The following CHRM2 variants were observed in gnomAD, a reference collection of about 807,000 sequenced individuals.
CHRM2 encodes muscarinic acetylcholine receptor M2.
CHRM2 carries 8 observed loss-of-function variants against 25.0 expected under a neutral mutation model. The ratio of observed to expected loss-of-function variants is 0.32; its 90% CI spans 0.19 to 0.58. CHRM2 has a LOEUF of 0.58. Among genes scored for constraint, CHRM2 ranks in the 20% least tolerant of loss-of-function variants. CHRM2 has a pLI of 0.88. For missense variants in CHRM2, 440 were observed against 567.1 expected (o/e 0.78, Z 2.28); for synonymous variants, 202 against 205.7 (o/e 0.98, Z 0.15).
chr7:136,993,788 A>G (rs1803389236), intron 3 of CHRM2, among the ~76,000 whole-genome samples: 1 of 152,184 alleles, frequency 6.6e-6, no homozygotes, highest in Non-Finnish European at 1.5e-5. Context: ...AAAAAGTAAA[A>G]TGAGGAAAAA....
intron 2 of CHRM2, among the ~76,000 whole-genome samples, chr7:136,921,203 C>T (rs891355440): frequency 1.3e-5 from 2 of 152,062 alleles, no homozygotes; most frequent in African/African-American, 4.8e-5. Context: ...TTACTAACCT[C>T]CAGGTCGTTC....
chr7:137,007,900 C>T (rs1198435590), intron 3 of CHRM2, among the ~76,000 whole-genome samples: 2 of 152,028 alleles, frequency 1.3e-5, no homozygotes, highest in Non-Finnish European at 2.9e-5. Context: ...TTTTCTTTTT[C>T]ATGTCTTTCT....
At chr7:136,940,389 G>T (rs1372935426) in intron 2 of CHRM2, among the ~76,000 whole-genome samples, 2 of 152,222 alleles carry the variant, frequency 1.3e-5, no homozygotes, top group African/African-American at 4.8e-5. Context: ...TTGCTTGCCT[G>T]TTAAATACTG....
Position 136,921,163 on chromosome 7 carries a change from G to A in CHRM2, c.-125+51745G>A, listed in dbSNP as rs551036106. ...CCTGTCATTTACTAACCTCCAGGTC[G>A]TTCTGTCTCCTTCTTCTCACCCCTG... On this transcript the variant is annotated intron_variant, in intron 2 of 3. Coordinates refer to ENST00000680005, the MANE Select transcript of CHRM2 (RefSeq NM_001006630.2). Among the ~76,000 whole-genome samples the A allele has an allele frequency of 2.1e-4, 32 of 152,044 alleles. 1 individual carries two copies. Among genetic ancestry groups the A allele is most frequent in the Non-Finnish European group, 2.6e-4 (18 of 67,982 alleles).
rs567306885 is a variant in CHRM2, at chr7:136,886,486, C to A, written c.-125+17068C>A. 4.3e-4 allele frequency among the ~76,000 whole-genome samples: 66 copies of A among 152,264 alleles called. No homozygotes were observed. The South Asian group carries it at 7.3e-3, about 17-fold the overall frequency. On this transcript the variant is annotated intron_variant, in intron 2 of 3. Coordinates refer to ENST00000680005, the MANE Select transcript of CHRM2 (RefSeq NM_001006630.2). ...TGTACTTCAAAGTGTAATTTCTTGT[C>A]GATCTAAGGCAAGGTGTGTGAAACA...
At chr7:136,999,609 C>A (rs143633924) in intron 3 of CHRM2, among the ~76,000 whole-genome samples, 2 of 151,346 alleles carry the variant, frequency 1.3e-5, no homozygotes, top group African/African-American at 4.9e-5. Flanking sequence ...CATGTGTTCT[C>A]ATTGTTCAAT....
At chr7:136,921,436 C>G (rs1356434281) in intron 2 of CHRM2, among the ~76,000 whole-genome samples, 1 of 152,096 alleles carries the variant, frequency 6.6e-6, no homozygotes, top group Non-Finnish European at 1.5e-5. Context: ...AAAAATCATT[C>G]CATTCTCTGA....
At chr7:136,961,876 G>A (rs542728818) in intron 2 of CHRM2, among the ~76,000 whole-genome samples, 1 of 152,120 alleles carries the variant, frequency 6.6e-6, no homozygotes, top group South Asian at 2.1e-4. Context: ...AGAAGGAGAC[G>A]TGGGGAGGAC....
intron 2 of CHRM2, among the ~76,000 whole-genome samples, chr7:136,876,511 T>C (rs1468212061): frequency 1.3e-5 from 2 of 152,250 alleles, no homozygotes; most frequent in South Asian, 2.1e-4. Flanking sequence ...TATTGCATAG[T>C]GTGCAACCGC....
At chr7:136,882,761 T>C (rs1420545230) in intron 2 of CHRM2, among the ~76,000 whole-genome samples, 1 of 152,122 alleles carries the variant, frequency 6.6e-6, no homozygotes, top group Admixed American at 6.6e-5. Context: ...CTTATAGGTA[T>C]ATAGTAATAT....
At chr7:136,956,054 GA>G (rs1425585623) in intron 2 of CHRM2, among the ~76,000 whole-genome samples, 3 of 152,056 alleles carry the variant, frequency 2.0e-5, no homozygotes, top group African/African-American at 7.2e-5. Flanking sequence ...AACTCAGAAG[GA>G]AAAATATTAG....
chr7:136,983,694 C>A (rs963980548), intron 2 of CHRM2, among the ~76,000 whole-genome samples: 1 of 152,214 alleles, frequency 6.6e-6, no homozygotes, highest in Non-Finnish European at 1.5e-5. Context: ...TCAAGTCCCT[C>A]TTCTGCATGT....
chr7:137,002,096 A>G (rs1804075160), intron 3 of CHRM2, among the ~76,000 whole-genome samples: 1 of 152,118 alleles, frequency 6.6e-6, no homozygotes, highest in Admixed American at 6.6e-5. Flanking sequence ...GGTCAAGAAG[A>G]CTGGCATTTA....
chr7:137,001,645 C>G (rs1389551908), intron 3 of CHRM2, among the ~76,000 whole-genome samples: 1 of 152,072 alleles, frequency 6.6e-6, no homozygotes, highest in Non-Finnish European at 1.5e-5. Context: ...CTGGAGAGGG[C>G]CTTCTCAGCA....
chr7:136,947,532 A>G (rs1800139553), intron 2 of CHRM2, among the ~76,000 whole-genome samples: 2 of 152,182 alleles, frequency 1.3e-5, no homozygotes, highest in South Asian at 4.1e-4. Context: ...TGGAAAGCTT[A>G]TTAGAGCTCT....
chr7:136,915,000 C>T (rs1798028587), intron 2 of CHRM2, among the ~76,000 whole-genome samples: 1 of 151,826 alleles, frequency 6.6e-6, no homozygotes, highest in South Asian at 2.1e-4. Flanking sequence ...GGGGATAATG[C>T]ACTCAACAAA....
At chr7:136,874,078 C>CTG (rs1658444661) in intron 2 of CHRM2, among the ~76,000 whole-genome samples, 1 of 152,174 alleles carries the variant, frequency 6.6e-6, no homozygotes, top group African/African-American at 2.4e-5. Context: ...ACACAGCTAA[C>CTG]CAAGAACTGC....
At chr7:136,887,611 C>G (rs1013503579) in intron 2 of CHRM2, among the ~76,000 whole-genome samples, 1 of 152,136 alleles carries the variant, frequency 6.6e-6, no homozygotes, top group African/African-American at 2.4e-5. Flanking sequence ...CTAAACTTGT[C>G]TCTTGAATCA....
intron 2 of CHRM2, among the ~76,000 whole-genome samples, chr7:136,900,446 C>T (rs937773687): frequency 1.3e-5 from 2 of 152,010 alleles, no homozygotes; most frequent in Non-Finnish European, 2.9e-5. Context: ...GGAGCCTTAG[C>T]TTGGAGCAGC....
Sources: gnomAD v4.1 joint callset for allele counts (sites outside exome capture counted in the v4.1 genomes callset) on GRCh38, gnomAD v4.1.1 for gene constraint, MANE v1.5 for transcripts, NCBI Gene and HGNC (gene_info 2026-07-23, HGNC 2026-07-21) for gene names.